FRMD7: variants seen among roughly 807,000 people sequenced by gnomAD.
The protein encoded by FRMD7 is FERM domain-containing protein 7.
FRMD7 carries 14 observed loss-of-function variants against 44.1 expected under a neutral mutation model. The observed-to-expected ratio is 0.32, with a 90% CI of 0.21 to 0.50. The LOEUF (loss-of-function observed/expected upper bound fraction) is 0.50, where lower values mean the gene tolerates loss of function less well. Among genes scored for constraint, FRMD7 ranks in the 20% least tolerant of loss-of-function variants. The probability of loss-of-function intolerance (pLI) is 0.99; values close to 1 mark genes in which losing one functional copy is unlikely to be tolerated. For missense variants in FRMD7, 501 were observed against 522.3 expected, an observed-to-expected ratio of 0.96 and a Z score of 0.40; for synonymous variants, 212 against 187.4, an observed-to-expected ratio of 1.13 and a Z score of -1.07.
chrX:132,112,710 A>G (rs1432391792), intron 1 of FRMD7, among the ~76,000 whole-genome samples: 1 of 111,256 alleles, frequency 9.0e-6, no homozygotes, highest in Non-Finnish European at 1.9e-5. Context: ...CAAGCTGAAC[A>G]GCTGCCTGAC....
chrX:132,097,425 A>ACC (rs990225929), intron 3 of FRMD7, 81 bp from the exon 4 acceptor site: 5 of 579,885 alleles, frequency 8.6e-6, no homozygotes, highest in African/African-American at 4.5e-5. Flanking sequence ...ACACACACAC[A>ACC]CACCCACACA....
intron 1 of FRMD7, among the ~76,000 whole-genome samples, chrX:132,117,399 T>C (rs939676501): frequency 7.1e-5 from 8 of 112,275 alleles, no homozygotes; most frequent in African/African-American, 2.6e-4. Flanking sequence ...AAATTATATG[T>C]ATTTATCATG....
rs1476013799 is a variant in FRMD7, at chrX:132,094,135, G to C, written c.289C>G (p.Leu97Val). 9.2e-7 allele frequency: 1 copy of C among 1,088,697 alleles called. No homozygotes were observed. Among genetic ancestry groups the C allele is most frequent in the Admixed American group, 2.2e-5 (1 of 45,693 alleles). The allele number at this position is 1,088,697 out of a possible 1,213,427, so 89.7% of individuals were successfully genotyped here. The change falls in exon 5 of 12, where the codon CTT (leucine) becomes GTT (valine). Residue 97 changes from leucine to valine, a missense_variant. Physicochemically the swap from Leu to Val is conservative, Grantham distance 32 (BLOSUM62 1). Coordinates refer to ENST00000298542, the MANE Select transcript of FRMD7 (RefSeq NM_194277.3). The part of the protein sequence containing the change: ...GHLREELTRY[L>V]FTLQIKKDLA... ...TCCTTCTTTATTTGAAGAGTAAAAAGATACCTGCAAAGAAATTGGGGAGAA... is the reference window on the plus strand; with the variant it reads ...TCCTTCTTTATTTGAAGAGTAAAAACATACCTGCAAAGAAATTGGGGAGAA...
chrX:132,089,630 C>T (rs1316978235), intron 5 of FRMD7, among the ~76,000 whole-genome samples: 1 of 111,067 alleles, frequency 9.0e-6, no homozygotes, highest in African/African-American at 3.3e-5. Flanking sequence ...TTTATAAAAC[C>T]CTCTTAAAAC....
chrX:132,082,472 C>A lies in FRMD7; in HGVS notation c.796G>T (p.Ala266Ser). ...FTMASRDACK[A>S]FWKTCVEYHA... ...TATTCCACACAAGTCTTCCAGAAAG[C>A]CTTGCAGGCATCTCGGCTGGCCATG... Residue 266 changes from alanine (A) to serine (S), a missense_variant, in exon 9 of 12, where the codon GCT (alanine) becomes TCT (serine). Physicochemically the swap from Ala to Ser is moderately conservative, Grantham distance 99. Transcript: ENST00000298542. 1.7e-6 allele frequency: 2 copies of A among 1,210,050 alleles called. No individual in the cohort carries two copies.
chrX:132,098,636 G>C (rs1383914129), intron 3 of FRMD7, among the ~76,000 whole-genome samples: 1 of 107,419 alleles, frequency 9.3e-6, no homozygotes, highest in Non-Finnish European at 1.9e-5. Context: ...AAGAGGAACA[G>C]TGCAAAGTCC....
At position 132,124,934 on chromosome X, in the gene FRMD7, T is replaced by A. The variant is rs371502102; in HGVS notation, c.57+2854A>T. ...TTAACTAAATGAGTTAATTAATGAA[T>A]ACGTGACTAAAAGGTCTCAATGCCA... On this transcript the variant is annotated intron_variant, in intron 1 of 11. Coordinates refer to ENST00000298542, the MANE Select transcript of FRMD7 (RefSeq NM_194277.3). Among the ~76,000 whole-genome samples the A allele has an allele frequency of 1.8e-4, 20 of 111,982 alleles. No individual in the cohort carries two copies. In the East Asian group the frequency reaches 5.6e-3, roughly 31 times the overall value.
intron 1 of FRMD7, among the ~76,000 whole-genome samples, chrX:132,105,643 T>A (rs774574238): frequency 9.0e-6 from 1 of 111,476 alleles, no homozygotes; most frequent in South Asian, 3.8e-4. Context: ...AACAGCAGGG[T>A]ACTGGTACAA....
chrX:132,087,490 ATAATAAACATT>A (rs2124227390), intron 5 of FRMD7, among the ~76,000 whole-genome samples: 1 of 111,516 alleles, frequency 9.0e-6, no homozygotes, highest in East Asian at 2.8e-4. Context: ...AAATCTCCAT[ATAATAAACATT>A]TTTTAAAAGA....
At chrX:132,089,077 C>T (rs1928087935) in intron 5 of FRMD7, among the ~76,000 whole-genome samples, 1 of 111,881 alleles carries the variant, frequency 8.9e-6, no homozygotes, top group Non-Finnish European at 1.9e-5. Flanking sequence ...AATGTGTACA[C>T]TTCCTTATTT....
intron 1 of FRMD7, among the ~76,000 whole-genome samples, chrX:132,120,786 A>G (rs1884017): frequency 0.42 from 46,427 of 111,451 alleles, 8,833 homozygotes; most frequent in African/African-American, 0.75. Context: ...GGGGCCAGAG[A>G]AAGCACAAGC....
At chrX:132,080,457 G>A (rs1184068494) in intron 9 of FRMD7, among the ~76,000 whole-genome samples, 191 bp from the exon 10 acceptor site, 3 of 112,107 alleles carry the variant, frequency 2.7e-5, no homozygotes, top group Non-Finnish European at 3.8e-5. Flanking sequence ...TACTCAGAAC[G>A]CAGGTAATTT....
At chrX:132,108,414 G>C (rs1428019830) in intron 1 of FRMD7, among the ~76,000 whole-genome samples, 2 of 111,961 alleles carry the variant, frequency 1.8e-5, no homozygotes, top group Admixed American at 1.9e-4. Context: ...TATGTGAACT[G>C]TATGTCTATC....
chrX:132,082,093 T>C (rs1194444797), intron 9 of FRMD7, among the ~76,000 whole-genome samples: 1 of 112,286 alleles, frequency 8.9e-6, no homozygotes, highest in Non-Finnish European at 1.9e-5. Context: ...AATGGGTTTA[T>C]AGAACATGTA....
chrX:132,121,161 A>T (rs1044439698), intron 1 of FRMD7, among the ~76,000 whole-genome samples: 5 of 111,557 alleles, frequency 4.5e-5, no homozygotes, highest in Admixed American at 3.8e-4. Flanking sequence ...ATACATCATA[A>T]AGTTCTGGAA....
intron 1 of FRMD7, among the ~76,000 whole-genome samples, chrX:132,116,658 C>T (rs1015300524): frequency 9.0e-6 from 1 of 111,156 alleles, no homozygotes; most frequent in African/African-American, 3.3e-5. Flanking sequence ...CACACTGGGG[C>T]CCGTCAGGGT....
In FRMD7 at chrX:132,078,223, A is replaced by C; in HGVS notation, c.1794T>G (p.Thr598=). The C allele has an allele frequency of 8.3e-7, 1 of 1,211,224 alleles. No homozygotes were observed. ...KRSQSQSDMK[T]IRFPFGSEFR... The stretch of plus-strand genomic sequence containing the variant: ...ATTCTGACCCAAAAGGAAAACGAAT[A>C]GTTTTCATGTCTGATTGGCTCTGGG... The change falls in exon 12 of 12, where the codon ACT becomes ACG. Residue 598 remains threonine (T), a synonymous_variant. Transcript: ENST00000298542.
chrX:132,095,235 C>T (rs1458832281), intron 4 of FRMD7, among the ~76,000 whole-genome samples: 5 of 109,289 alleles, frequency 4.6e-5, no homozygotes. Flanking sequence ...GCTGGGACTA[C>T]AGGCATGCAC....
At chrX:132,107,634 G>GAGAGAGAGAGAGAGA (rs1928681190) in intron 1 of FRMD7, among the ~76,000 whole-genome samples, 15 of 66,308 alleles carry the variant, frequency 2.3e-4, no homozygotes, top group Non-Finnish European at 3.4e-4. Flanking sequence ...AGAGAGAGAG[G>GAGAGAGAGAGAGAGA]GAGGGAGAAT....
Sources: gnomAD v4.1 joint callset for allele counts (sites outside exome capture counted in the v4.1 genomes callset) on GRCh38, gnomAD v4.1.1 for gene constraint, MANE v1.5 for transcripts, NCBI Gene and HGNC (gene_info 2026-07-23, HGNC 2026-07-21) for gene names.